PTPRD: variants seen among roughly 807,000 people sequenced by gnomAD.
PTPRD encodes the protein receptor-type tyrosine-protein phosphatase delta.
PTPRD carries 34 observed loss-of-function variants against 214.5 expected under a neutral mutation model. That is an observed-to-expected ratio of 0.16 (90% CI 0.12 to 0.21). The LOEUF (loss-of-function observed/expected upper bound fraction) is 0.21, where lower values mean the gene tolerates loss of function less well. PTPRD is among the 10% of genes least tolerant of loss of function. PTPRD has a pLI of 1.00. For missense variants in PTPRD, 2,545 were observed against 2,398.7 expected (o/e 1.06, Z -1.27); for synonymous variants, 1,128 against 845.7 (o/e 1.33, Z -5.79).
In PTPRD at chr9:8,486,245, G is replaced by T. The variant is rs146596907; in HGVS notation, c.2572C>A (p.Leu858Ile). Residue 858 changes from leucine (L) to isoleucine (I), a missense_variant, in exon 28 of 46, where the codon CTA becomes ATA. By Grantham distance (5) the Leu-to-Ile change is conservative. Coordinates refer to ENST00000381196, the MANE Select transcript of PTPRD (RefSeq NM_002839.4). The stretch of plus-strand genomic sequence containing the variant: ...TCCATATCCTTGCGGCCAAATTTTA[G>T]ACGGTAGCCCTGAAGAGGTCCAAAT... ...DTFGPLQGYR[L>I]KFGRKDMEPL... 2 of 1,614,206 alleles carry T rather than the reference G, an allele frequency of 1.2e-6. No individual in the cohort carries two copies. Among genetic ancestry groups the T allele is most frequent in the Non-Finnish European group, 8.5e-7 (1 of 1,180,024 alleles).
At chr9:8,318,923 A>G (rs1377547399) in intron 45 of PTPRD, among the ~76,000 whole-genome samples, 1 of 152,100 alleles carries the variant, frequency 6.6e-6, no homozygotes, top group African/African-American at 2.4e-5. Context: ...GATAGTTTCT[A>G]TTTTGCTTAA....
At chr9:9,401,624 A>T (rs1031216360) in intron 8 of PTPRD, among the ~76,000 whole-genome samples, 18 of 151,846 alleles carry the variant, frequency 1.2e-4, no homozygotes, top group Middle Eastern at 3.4e-3. Flanking sequence ...TTTCCCTGAA[A>T]TACAAATAAC....
chr9:10,134,627 G>A lies in PTPRD; in HGVS notation c.-544-100837C>T, dbSNP rs192523142. 4.0e-3 allele frequency among the ~76,000 whole-genome samples: 601 copies of A among 151,988 alleles called. 5 individuals are homozygous for A. Among genetic ancestry groups the A allele is most frequent in the African/African-American group, 0.014 (576 of 41,440 alleles). ...ATCCCGTACAGATACTTTGCCCTCT[G>A]AAAGCATCCAGAAATGAAGCTAGTC... On this transcript the variant is annotated intron_variant, in intron 3 of 45. Transcript: ENST00000381196.
At chr9:10,551,969 G>C (rs2061459177) in intron 2 of PTPRD, among the ~76,000 whole-genome samples, 1 of 152,080 alleles carries the variant, frequency 6.6e-6, no homozygotes, top group African/African-American at 2.4e-5. Context: ...TTTCTACTTT[G>C]CATGCATGTT....
At chr9:9,050,768 A>T (rs567223499) in intron 10 of PTPRD, among the ~76,000 whole-genome samples, 199 of 152,190 alleles carry the variant, frequency 1.3e-3, no homozygotes, top group African/African-American at 4.5e-3. Flanking sequence ...CACTCATTTT[A>T]TCTTTATTAA....
At chr9:9,131,951 A>AGG (rs1238410309) in intron 10 of PTPRD, among the ~76,000 whole-genome samples, 1 of 151,886 alleles carries the variant, frequency 6.6e-6, no homozygotes, top group Non-Finnish European at 1.5e-5. Context: ...CTTTCATTTG[A>AGG]GGGGGAATTG....
intron 9 of PTPRD, among the ~76,000 whole-genome samples, chr9:9,207,976 A>AT (rs2099945936): frequency 8.3e-6 from 1 of 121,028 alleles, no homozygotes; most frequent in Non-Finnish European, 1.8e-5. Context: ...GTATGCCATT[A>AT]TTTTTCTAAG....
chr9:9,588,104 G>T (rs2092297188), intron 7 of PTPRD, among the ~76,000 whole-genome samples: 1 of 151,694 alleles, frequency 6.6e-6, no homozygotes, highest in African/African-American at 2.4e-5. Flanking sequence ...ACATTCATCT[G>T]TACCCCTAAA....
At chr9:8,420,201 G>C (rs1015995920) in intron 35 of PTPRD, among the ~76,000 whole-genome samples, 1 of 151,990 alleles carries the variant, frequency 6.6e-6, no homozygotes, top group Non-Finnish European at 1.5e-5. Context: ...GAATTCAAGG[G>C]CAAAATTTAT....
chr9:10,514,294 CTTCTT>C (rs1439350632), intron 2 of PTPRD, among the ~76,000 whole-genome samples: 1 of 151,106 alleles, frequency 6.6e-6, no homozygotes, highest in Non-Finnish European at 1.5e-5. Context: ...TTTATAAACT[CTTCTT>C]TGGGGAGCAA....
chr9:8,396,804 A>G (rs972898728), intron 36 of PTPRD, among the ~76,000 whole-genome samples: 1 of 152,174 alleles, frequency 6.6e-6, no homozygotes, highest in Non-Finnish European at 1.5e-5. Context: ...GCTCTTAGAA[A>G]GACTGCAAGC....
intron 5 of PTPRD, among the ~76,000 whole-genome samples, chr9:9,789,786 A>G (rs1347470394): frequency 6.2e-5 from 4 of 64,588 alleles, no homozygotes; most frequent in Admixed American, 1.2e-4. Context: ...AACAGAGCCA[A>G]ACTCTGTCTC....
At chr9:9,749,354 G>T (rs12238315) in intron 6 of PTPRD, among the ~76,000 whole-genome samples, 6,861 of 152,076 alleles carry the variant, frequency 0.045, 732 homozygotes, top group East Asian at 0.4. Flanking sequence ...TTATAACCAC[G>T]TTTTCCAATC....
chr9:9,519,869 A>T (rs1416562157), intron 8 of PTPRD, among the ~76,000 whole-genome samples: 2 of 152,100 alleles, frequency 1.3e-5, no homozygotes, highest in African/African-American at 2.4e-5. Context: ...ATTTATGAGG[A>T]AACAGAAAGG....
intron 32 of PTPRD, 34 bp from the exon 33 acceptor site, chr9:8,460,605 A>C (rs1409288198): frequency 6.3e-6 from 10 of 1,591,306 alleles, no homozygotes; most frequent in Non-Finnish European, 8.5e-6. Flanking sequence ...CAGTTATAAA[A>C]TAATGACTTT....
At chr9:8,910,210 T>C (rs2098737694) in intron 11 of PTPRD, among the ~76,000 whole-genome samples, 1 of 151,890 alleles carries the variant, frequency 6.6e-6, no homozygotes, top group African/African-American at 2.4e-5. Context: ...AGCTAGTTTT[T>C]GTATTTTTAG....
intron 11 of PTPRD, among the ~76,000 whole-genome samples, chr9:8,773,076 T>C (rs890088510): frequency 1.1e-4 from 17 of 152,338 alleles, no homozygotes; most frequent in Non-Finnish European, 1.8e-4. Flanking sequence ...CTATGAATTA[T>C]GGAGCTTTCC....
chr9:10,196,841 A>G (rs1353813981), intron 3 of PTPRD, among the ~76,000 whole-genome samples: 1 of 59,922 alleles, frequency 1.7e-5, no homozygotes, highest in Non-Finnish European at 3.3e-5. Flanking sequence ...TGATTAGGCC[A>G]CATGGGCACC....
At position 10,039,291 on chromosome 9, in the gene PTPRD, C is replaced by T. The variant is rs116556702; in HGVS notation, c.-544-5501G>A. Among the ~76,000 whole-genome samples the T allele has an allele frequency of 5.4e-3, 819 of 152,024 alleles. 10 individuals carry two copies. Among genetic ancestry groups the T allele is most frequent in the African/African-American group, 0.018 (755 of 41,484 alleles). On this transcript the variant is annotated intron_variant, in intron 3 of 45. Coordinates refer to ENST00000381196, the MANE Select transcript of PTPRD (RefSeq NM_002839.4). ...AACAGAAAATGAATACAAAGAAAGACCATAATTTATTTGTCAGGTAAAGAC... is the reference window on the plus strand; with the variant it reads ...AACAGAAAATGAATACAAAGAAAGATCATAATTTATTTGTCAGGTAAAGAC...
Sources: gnomAD v4.1 joint callset for allele counts (sites outside exome capture counted in the v4.1 genomes callset) on GRCh38, gnomAD v4.1.1 for gene constraint, MANE v1.5 for transcripts, NCBI Gene and HGNC (gene_info 2026-07-23, HGNC 2026-07-21) for gene names.